KIAA0825: variants seen among roughly 807,000 people sequenced by gnomAD.
The protein encoded by KIAA0825 is uncharacterized protein KIAA0825.
KIAA0825 carries 119 observed loss-of-function variants against 147.6 expected under a neutral mutation model. That is an observed-to-expected ratio of 0.81 (90% confidence interval 0.69 to 0.94). KIAA0825 has a LOEUF of 0.94. KIAA0825 is among the 40% of genes least tolerant of loss of function. The pLI is 0.00. For synonymous variants in KIAA0825, 470 were observed against 518.1 expected, an observed-to-expected ratio of 0.91 and a Z score of 1.26; for missense variants, 1,381 against 1,472.7, an observed-to-expected ratio of 0.94 and a Z score of 1.02.
intron 5 of KIAA0825, among the ~76,000 whole-genome samples, chr5:94,496,746 T>C (rs1222879554): frequency 2.0e-5 from 3 of 152,194 alleles, no homozygotes; most frequent in African/African-American, 7.2e-5. Flanking sequence ...GCCTGTCCCG[T>C]GGAACATGGG....
At chr5:94,406,326 A>G (rs1244611116) in intron 15 of KIAA0825, among the ~76,000 whole-genome samples, 4 of 152,206 alleles carry the variant, frequency 2.6e-5, no homozygotes, top group Non-Finnish European at 5.9e-5. Context: ...ACTGCTCTGC[A>G]ATGCACTAGA....
chr5:94,183,446 T>G (rs1583777263), intron 20 of KIAA0825, among the ~76,000 whole-genome samples: 1 of 152,158 alleles, frequency 6.6e-6, no homozygotes, highest in South Asian at 2.1e-4. Context: ...TAAGACCCAG[T>G]GATAAGAGTG....
At chr5:94,497,850 T>C (rs764060531) in intron 5 of KIAA0825, among the ~76,000 whole-genome samples, 1 of 152,242 alleles carries the variant, frequency 6.6e-6, no homozygotes, top group Non-Finnish European at 1.5e-5. Context: ...CGGGTGATGC[T>C]GCTGTGGATT....
intron 20 of KIAA0825, among the ~76,000 whole-genome samples, chr5:94,154,958 A>G (rs917948554): frequency 6.6e-6 from 1 of 152,076 alleles, no homozygotes; most frequent in African/African-American, 2.4e-5. Flanking sequence ...GCTGTCCACC[A>G]TAATGTACTG....
intron 3 of KIAA0825, among the ~76,000 whole-genome samples, chr5:94,533,069 C>G (rs866327091): frequency 2.6e-5 from 4 of 151,178 alleles, no homozygotes; most frequent in Middle Eastern, 3.4e-3. Context: ...AGCTCTGCCT[C>G]CCGGGTTCAC....
At chr5:94,162,050 C>T (rs1767630157) in intron 20 of KIAA0825, among the ~76,000 whole-genome samples, 1 of 152,164 alleles carries the variant, frequency 6.6e-6, no homozygotes, top group East Asian at 1.9e-4. Flanking sequence ...TTCTTCTGTT[C>T]TTGATTCAGC....
intron 12 of KIAA0825, among the ~76,000 whole-genome samples, chr5:94,453,590 G>A (rs1184593639): frequency 6.6e-6 from 1 of 151,988 alleles, no homozygotes; most frequent in Non-Finnish European, 1.5e-5. Context: ...GGCCAGGTGG[G>A]CAAGTCAGCA....
intron 2 of KIAA0825, among the ~76,000 whole-genome samples, chr5:94,552,128 T>C (rs750299109): frequency 3.3e-5 from 5 of 152,040 alleles, no homozygotes; most frequent in Non-Finnish European, 7.4e-5. Context: ...GCTATAGTTA[T>C]ATCAGATAAA....
intron 20 of KIAA0825, among the ~76,000 whole-genome samples, chr5:94,336,854 C>T (rs1300105869): frequency 3.3e-5 from 5 of 152,010 alleles, no homozygotes; most frequent in East Asian, 3.9e-4. Flanking sequence ...TCCACAATGG[C>T]GGAACTAATT....
intron 20 of KIAA0825, among the ~76,000 whole-genome samples, chr5:94,206,627 A>G (rs2150035216): frequency 1.3e-5 from 2 of 152,306 alleles, no homozygotes; most frequent in East Asian, 3.9e-4. Context: ...TAATTCTTGT[A>G]TCATGAATAT....
At chr5:94,293,742 G>T (rs1778010109) in intron 20 of KIAA0825, among the ~76,000 whole-genome samples, 1 of 152,158 alleles carries the variant, frequency 6.6e-6, no homozygotes, top group South Asian at 2.1e-4. Flanking sequence ...TCGTGAGGGA[G>T]TCTAAGTCTC....
chr5:94,296,173 G>C (rs370092927), intron 20 of KIAA0825, among the ~76,000 whole-genome samples: 2 of 152,310 alleles, frequency 1.3e-5, no homozygotes, highest in South Asian at 2.1e-4. Flanking sequence ...GTTCCACCCA[G>C]TTTGAATTTC....
intron 10 of KIAA0825, among the ~76,000 whole-genome samples, chr5:94,468,397 AC>A (rs1439825019): frequency 1.3e-5 from 2 of 152,166 alleles, no homozygotes; most frequent in Non-Finnish European, 2.9e-5. Flanking sequence ...TTCATTTTCA[AC>A]CACTCTGTTT....
intron 5 of KIAA0825, among the ~76,000 whole-genome samples, chr5:94,490,794 T>C (rs1385900306): frequency 6.6e-6 from 1 of 152,158 alleles, no homozygotes; most frequent in South Asian, 2.1e-4. Context: ...CTTAAAGGTG[T>C]TAAATGTTAG....
At chr5:94,379,776 A>G (rs1035868429) in intron 20 of KIAA0825, among the ~76,000 whole-genome samples, 8 of 146,062 alleles carry the variant, frequency 5.5e-5, no homozygotes, top group Non-Finnish European at 1.2e-4. Context: ...TTTGAGCAGT[A>G]CTTTGTAATT....
rs564529818 is a variant in KIAA0825, at chr5:94,504,552, G to A, written c.970+15696C>T. 5.7e-4 allele frequency among the ~76,000 whole-genome samples: 86 copies of A among 152,054 alleles called. 2 individuals carry two copies. Among genetic ancestry groups the A allele is most frequent in the Non-Finnish European group, 3.2e-4 (22 of 68,010 alleles). On this transcript the variant is annotated intron_variant, in intron 5 of 20. Transcript: ENST00000682413. ...AATGGTATTAAATATTCTTATTTTTGTGAGTGATTCAACATGAAGGCTAGA... is the reference window on the plus strand; with the variant it reads ...AATGGTATTAAATATTCTTATTTTTATGAGTGATTCAACATGAAGGCTAGA...
At chr5:94,449,967 C>A (rs746401898) in intron 13 of KIAA0825, among the ~76,000 whole-genome samples, 4 of 151,978 alleles carry the variant, frequency 2.6e-5, no homozygotes, top group Non-Finnish European at 5.9e-5. Context: ...GTAATCCCAG[C>A]TACTTGGGAG....
chr5:94,604,661 A>G (rs1049410167), intron 1 of KIAA0825, among the ~76,000 whole-genome samples: 5 of 152,208 alleles, frequency 3.3e-5, no homozygotes, highest in Non-Finnish European at 5.9e-5. Context: ...TGAGTAAATA[A>G]TGAAATAAAG....
chr5:94,281,564 G>A (rs549985856), intron 20 of KIAA0825, among the ~76,000 whole-genome samples: 3 of 152,090 alleles, frequency 2.0e-5, no homozygotes, highest in Non-Finnish European at 2.9e-5. Context: ...TAGCTTTAGG[G>A]CAGGGTTTCT....
Sources: allele counts gnomAD v4.1 joint callset (sites outside exome capture counted in the v4.1 genomes callset), GRCh38; gene constraint gnomAD v4.1.1; transcripts MANE v1.5; gene names NCBI Gene and HGNC (gene_info 2026-07-23, HGNC 2026-07-21).